SPEF2: variants seen among roughly 807,000 people sequenced by gnomAD.
SPEF2 encodes the protein sperm flagellar and cilia associated 2, also known as sperm flagella and cilia-associated protein 2.
Under a neutral mutation model 224.6 loss-of-function variants are expected in SPEF2, and 187 were observed. The ratio of observed to expected loss-of-function variants is 0.83; its 90% CI spans 0.74 to 0.94. The LOEUF is 0.94. SPEF2 is among the 40% of genes least tolerant of loss of function. The probability of loss-of-function intolerance (pLI) is 0.00; values close to 1 mark genes in which losing one functional copy is unlikely to be tolerated. For synonymous variants in SPEF2, 715 were observed against 707.3 expected (o/e 1.01, Z -0.17); for missense variants, 2,170 against 2,135.6 (o/e 1.02, Z -0.32).
chr5:35,790,180 C>A, intron 30 of SPEF2: 1 of 700,218 alleles, frequency 1.4e-6, no homozygotes. Flanking sequence ...TGGACCAAGT[C>A]ACATATGCAT....
intron 30 of SPEF2, chr5:35,781,625 T>TACCCATATGCA (rs1754351334): frequency 6.6e-6 from 1 of 152,094 alleles, no homozygotes; most frequent in African/African-American, 2.4e-5. Context: ...TATGCAAGAA[T>TACCCATATGCA]AACAGTTGTA....
intron 1 of SPEF2, among the ~76,000 whole-genome samples, chr5:35,622,087 A>C (rs1743597266): frequency 6.6e-6 from 1 of 152,238 alleles, no homozygotes; most frequent in Non-Finnish European, 1.5e-5. Flanking sequence ...ATGATATATA[A>C]AAATTAAATA....
chr5:35,689,524 A>T (rs990010234), intron 10 of SPEF2, among the ~76,000 whole-genome samples: 5 of 152,076 alleles, frequency 3.3e-5, no homozygotes, highest in Non-Finnish European at 4.4e-5. Flanking sequence ...TCCCTCTAGT[A>T]GTCCCCAGTG....
intron 13 of SPEF2, among the ~76,000 whole-genome samples, chr5:35,694,605 G>A (rs1580315251): frequency 6.6e-6 from 1 of 152,188 alleles, no homozygotes; most frequent in Non-Finnish European, 1.5e-5. Flanking sequence ...TAGTTTTGCT[G>A]CCATTATGAA....
At chr5:35,732,562 C>T (rs892511292) in intron 21 of SPEF2, among the ~76,000 whole-genome samples, 2 of 152,028 alleles carry the variant, frequency 1.3e-5, no homozygotes, top group East Asian at 3.9e-4. Flanking sequence ...CGATCTTAGG[C>T]TTTTAGAACT....
chr5:35,702,090 T>C (rs1738754646), intron 16 of SPEF2: 1 of 430,636 alleles, frequency 2.3e-6, no homozygotes, highest in Non-Finnish European at 4.7e-6. Flanking sequence ...GGGAGAGTAG[T>C]GTCTCATAAG....
intron 3 of SPEF2, among the ~76,000 whole-genome samples, chr5:35,642,747 A>G (rs1746778034): frequency 6.6e-6 from 1 of 152,176 alleles, no homozygotes; most frequent in South Asian, 2.1e-4. Context: ...ATATCAATGG[A>G]TAGAATTATA....
intron 4 of SPEF2, chr5:35,646,432 T>G: frequency 2.9e-6 from 1 of 347,786 alleles, no homozygotes; most frequent in Non-Finnish European, 5.2e-6. Flanking sequence ...AATACAGACA[T>G]TTAATAGATA....
intron 21 of SPEF2, among the ~76,000 whole-genome samples, chr5:35,731,033 C>T (rs1184072251): frequency 6.6e-6 from 1 of 152,076 alleles, no homozygotes; most frequent in Non-Finnish European, 1.5e-5. Context: ...GGCACTTGAA[C>T]ATTGAAAGAA....
intron 10 of SPEF2, among the ~76,000 whole-genome samples, chr5:35,679,033 G>T (rs958739698): frequency 5.3e-5 from 8 of 152,154 alleles, no homozygotes; most frequent in African/African-American, 1.9e-4. Context: ...GAAAGCCCTG[G>T]AAGAGATGAC....
chr5:35,768,829 T>C (rs757522234), intron 26 of SPEF2, among the ~76,000 whole-genome samples: 4 of 152,152 alleles, frequency 2.6e-5, no homozygotes, highest in Non-Finnish European at 5.9e-5. Flanking sequence ...GTGGGGCAAA[T>C]AGCACCAGCT....
intron 16 of SPEF2, among the ~76,000 whole-genome samples, chr5:35,703,923 C>A (rs1417924455): frequency 6.6e-6 from 1 of 152,100 alleles, no homozygotes; most frequent in Non-Finnish European, 1.5e-5. Flanking sequence ...ATTCTAATTT[C>A]TTTTAATCTA....
At chr5:35,633,457 G>A (rs1580051547) in intron 2 of SPEF2, among the ~76,000 whole-genome samples, 1 of 151,770 alleles carries the variant, frequency 6.6e-6, no homozygotes, top group African/African-American at 2.4e-5. Context: ...CTCTAGTCCT[G>A]TTTTGGTTAT....
chr5:35,691,291 G>A lies in SPEF2; in HGVS notation c.1744+35G>A, dbSNP rs748378746. 2.6e-6 allele frequency: 4 copies of A among 1,552,740 alleles called. No individual in the cohort carries two copies. The Admixed American group carries it at 6.7e-5, about 26-fold the overall frequency. ...CTTCTCCTACTCTCCCTGCCATTAGGTCCTATTTACACTGACTGTAGCTGC... is the reference window on the plus strand; with the variant it reads ...CTTCTCCTACTCTCCCTGCCATTAGATCCTATTTACACTGACTGTAGCTGC... On this transcript the variant is annotated intron_variant, in intron 11 of 36. Transcript: ENST00000356031.
intron 29 of SPEF2, 32 bp downstream of exon 29, chr5:35,776,427 C>T (rs1267066550): frequency 1.3e-6 from 2 of 1,575,538 alleles, no homozygotes; most frequent in African/African-American, 2.7e-5. Context: ...TGAAAATATG[C>T]TTTGTGTATT....
chr5:35,811,032 T>C (rs1758499233), intron 36 of SPEF2, among the ~76,000 whole-genome samples: 1 of 151,528 alleles, frequency 6.6e-6, no homozygotes, highest in South Asian at 2.1e-4. Context: ...GTCTACATTC[T>C]AATATTTACA....
intron 23 of SPEF2, among the ~76,000 whole-genome samples, chr5:35,740,671 C>T (rs1472425059): frequency 2.0e-5 from 3 of 152,120 alleles, no homozygotes; most frequent in African/African-American, 7.2e-5. Flanking sequence ...CTAGAATTAC[C>T]TCTATTGAAT....
chr5:35,692,898 A>G lies in SPEF2; in HGVS notation c.1899+174A>G, dbSNP rs7731950. Among the ~76,000 whole-genome samples the G allele has an allele frequency of 8.9e-3, 1,360 of 152,338 alleles. 15 individuals are homozygous for G. The highest frequency in any genetic ancestry group is 0.032 in the African/African-American group (1,323 of 41,572). On this transcript the variant is annotated intron_variant, in intron 12 of 36. Transcript: ENST00000356031. ...AATATTTAAGTTAAATATTTAGGACAAATTTTAGGCCAAGAGGTAAAATCG... is the reference window on the plus strand; with the variant it reads ...AATATTTAAGTTAAATATTTAGGACGAATTTTAGGCCAAGAGGTAAAATCG...
intron 7 of SPEF2, among the ~76,000 whole-genome samples, chr5:35,658,092 C>T (rs1429748855): frequency 1.3e-5 from 2 of 152,274 alleles, no homozygotes; most frequent in East Asian, 1.9e-4. Flanking sequence ...GTCTCTGTTT[C>T]GAAAGAGTGA....
Sources: allele counts gnomAD v4.1 joint callset (sites outside exome capture counted in the v4.1 genomes callset), GRCh38; gene constraint gnomAD v4.1.1; transcripts MANE v1.5; gene names NCBI Gene and HGNC (gene_info 2026-07-23, HGNC 2026-07-21).